Variants in CCDC171 observed in about 807,000 individuals in gnomAD.
The protein encoded by CCDC171 is coiled-coil domain containing 171, also known as coiled-coil domain-containing protein 171.
In CCDC171, 177 loss-of-function variants were observed where a neutral mutation model predicts 168.2. That is an observed-to-expected ratio of 1.05 (90% CI 0.93 to 1.19). The LOEUF is 1.19. Ranked by LOEUF, CCDC171 falls within the 50% of genes most tolerant of loss-of-function variation. The pLI is 0.00. For synonymous variants in CCDC171, 687 were observed against 540.8 expected, an observed-to-expected ratio of 1.27 and a Z score of -3.75; for missense variants, 1,991 against 1,539.0, an observed-to-expected ratio of 1.29 and a Z score of -4.91.
At chr9:15,956,504 C>T (rs907398802) in intron 25 of CCDC171, among the ~76,000 whole-genome samples, 11 of 152,016 alleles carry the variant, frequency 7.2e-5, no homozygotes, top group Admixed American at 2.0e-4. Context: ...CCGAAGGCAG[C>T]GTAGTTTATA....
At chr9:15,720,921 G>A (rs572799882) in intron 11 of CCDC171, among the ~76,000 whole-genome samples, 3 of 152,262 alleles carry the variant, frequency 2.0e-5, no homozygotes, top group East Asian at 1.9e-4. Flanking sequence ...TCCCACCTAT[G>A]AGTGAGAACA....
chr9:15,743,159 TTTTTTTTTTTTTTTTTTTTTTTTTG>T (rs1564325285), intron 16 of CCDC171, among the ~76,000 whole-genome samples: 1 of 3,020 alleles, frequency 3.3e-4, no homozygotes. Context: ...TTTTTTTTTT[TTTTTTTTTTTTTTTTTTTTTTTTTG>T]AGACAGCGTC....
intron 21 of CCDC171, among the ~76,000 whole-genome samples, chr9:15,808,343 G>A (rs1384981510): frequency 1.3e-5 from 2 of 152,216 alleles, no homozygotes; most frequent in Non-Finnish European, 2.9e-5. Flanking sequence ...ATGCTTAGAT[G>A]TATGCCTTCA....
Position 15,622,103 on chromosome 9 carries a change from G to A in CCDC171, c.676-1164G>A, listed in dbSNP as rs559719512. Among the ~76,000 whole-genome samples the A allele has an allele frequency of 4.6e-5, 7 of 152,246 alleles. No homozygotes were observed. In the South Asian group the frequency reaches 1.2e-3, roughly 27 times the overall value. ...AATGAGAACACATGGACACAAAGAG[G>A]GGAACAACATACACTGGGTTCTGCC... On this transcript the variant is annotated intron_variant, in intron 6 of 25. Coordinates refer to ENST00000380701, the MANE Select transcript of CCDC171 (RefSeq NM_173550.4).
intron 24 of CCDC171, 25 bp from the exon 25 acceptor site, chr9:15,920,245 T>A: frequency 1.3e-6 from 2 of 1,486,088 alleles, no homozygotes; most frequent in Non-Finnish European, 1.8e-6. Context: ...TTGAATTATA[T>A]GTGACATTAT....
intron 8 of CCDC171, among the ~76,000 whole-genome samples, chr9:15,658,656 A>T (rs758999329): frequency 6.6e-6 from 1 of 152,138 alleles, no homozygotes; most frequent in Admixed American, 6.6e-5. Flanking sequence ...TCACAGTCAG[A>T]GGCAGAGATG....
At chr9:15,712,231 C>G (rs2052723123) in intron 11 of CCDC171, among the ~76,000 whole-genome samples, 1 of 152,220 alleles carries the variant, frequency 6.6e-6, no homozygotes, top group Non-Finnish European at 1.5e-5. Context: ...CCCTTGCAGA[C>G]ATACCCAGAA....
chr9:15,607,069 C>A (rs1324172796), intron 6 of CCDC171, among the ~76,000 whole-genome samples: 1 of 152,138 alleles, frequency 6.6e-6, no homozygotes, highest in East Asian at 1.9e-4. Context: ...TTGAGTGTTA[C>A]ATTGCATCTC....
At chr9:15,597,736 G>A (rs1349116808) in intron 6 of CCDC171, among the ~76,000 whole-genome samples, 2 of 152,160 alleles carry the variant, frequency 1.3e-5, no homozygotes, top group Non-Finnish European at 2.9e-5. Context: ...GCTCCTCCTT[G>A]TACCTCTGGT....
chr9:15,621,355 A>T (rs1435861607), intron 6 of CCDC171, among the ~76,000 whole-genome samples: 1 of 152,234 alleles, frequency 6.6e-6, no homozygotes, highest in East Asian at 1.9e-4. Context: ...TGCAAACATT[A>T]CTTTCATTTG....
In CCDC171 at chr9:15,578,675, A is replaced by C. The variant is rs574632990; in HGVS notation, c.178-174A>C. On this transcript the variant is annotated intron_variant, in intron 3 of 25. Transcript: ENST00000380701. ...GTGGATTCTCTAAAATAAAAAACAT[A>C]ATGGGTGTCATTTTGTAAGGTAGTG... 4.1e-4 allele frequency among the ~76,000 whole-genome samples: 63 copies of C among 152,096 alleles called. 1 individual carries two copies. The South Asian group carries it at 9.3e-3, about 23-fold the overall frequency.
intron 7 of CCDC171, among the ~76,000 whole-genome samples, chr9:15,634,631 T>TA (rs925290913): frequency 9.9e-5 from 15 of 152,002 alleles, no homozygotes; most frequent in East Asian, 9.7e-4. Flanking sequence ...CAGCGATGAG[T>TA]AAAAAAAACA....
At chr9:15,595,315 C>T (rs2042263707) in intron 6 of CCDC171, among the ~76,000 whole-genome samples, 1 of 152,168 alleles carries the variant, frequency 6.6e-6, no homozygotes, top group African/African-American at 2.4e-5. Flanking sequence ...GACCCCACAA[C>T]AGGCCCTGGT....
intron 21 of CCDC171, among the ~76,000 whole-genome samples, chr9:15,800,222 C>T (rs1356128227): frequency 1.3e-5 from 2 of 152,086 alleles, no homozygotes; most frequent in Admixed American, 6.6e-5. Context: ...TACTAATTTA[C>T]ATTCCCACCA....
intron 21 of CCDC171, among the ~76,000 whole-genome samples, chr9:15,796,960 T>C (rs2058587801): frequency 1.3e-5 from 2 of 152,218 alleles, no homozygotes; most frequent in African/African-American, 4.8e-5. Flanking sequence ...TTTAAGAAAC[T>C]GCCGAAATCT....
At position 15,847,383 on chromosome 9, in the gene CCDC171, A is replaced by T. The variant is rs182399730; in HGVS notation, c.3413+536A>T. On this transcript the variant is annotated intron_variant, in intron 22 of 25. Coordinates refer to ENST00000380701, the MANE Select transcript of CCDC171 (RefSeq NM_173550.4). ...AGCTGTATATTCTAATATTTTAAGT[A>T]GAAAAATATAGTTTTCAGAGTAGAC... 5.9e-3 allele frequency among the ~76,000 whole-genome samples: 897 copies of T among 152,234 alleles called. 12 individuals carry two copies. Among genetic ancestry groups the T allele is most frequent in the Admixed American group, 0.042 (637 of 15,272 alleles).
intron 5 of CCDC171, among the ~76,000 whole-genome samples, chr9:15,592,406 A>G (rs1222930378): frequency 1.3e-5 from 2 of 152,296 alleles, no homozygotes; most frequent in African/African-American, 2.4e-5. Context: ...TACCTTTACC[A>G]TTGGTGTAAA....
the CCDC171 span, among the ~76,000 whole-genome samples, chr9:16,076,625 T>A: frequency 1.3e-5 from 2 of 152,202 alleles, no homozygotes; most frequent in African/African-American, 4.8e-5. Context: ...CCTCAGCACA[T>A]CTTCGTGCTG....
intron 23 of CCDC171, among the ~76,000 whole-genome samples, chr9:15,874,157 A>G (rs1422971561): frequency 6.6e-6 from 1 of 152,142 alleles, no homozygotes. Flanking sequence ...GTTAAACACC[A>G]CATGTTACTA....
Sources: gnomAD v4.1 joint callset for allele counts (sites outside exome capture counted in the v4.1 genomes callset) on GRCh38, gnomAD v4.1.1 for gene constraint, MANE v1.5 for transcripts, NCBI Gene and HGNC (gene_info 2026-07-23, HGNC 2026-07-21) for gene names.